Variants in PTPN12 observed in about 807,000 individuals in gnomAD.
The protein encoded by PTPN12 is tyrosine-protein phosphatase non-receptor type 12.
A neutral mutation model predicts 97.6 loss-of-function variants in PTPN12; 29 were observed. The ratio of observed to expected loss-of-function variants is 0.30; its 90% confidence interval spans 0.22 to 0.41. The LOEUF (loss-of-function observed/expected upper bound fraction) is 0.41, where lower values mean the gene tolerates loss of function less well. Among genes scored for constraint, PTPN12 ranks in the 10% least tolerant of loss-of-function variants. The pLI is 1.00. For synonymous variants in PTPN12, 327 were observed against 300.4 expected, an observed-to-expected ratio of 1.09 and a Z score of -0.91; for missense variants, 819 against 926.0, an observed-to-expected ratio of 0.88 and a Z score of 1.50.
Position 77,585,528 on chromosome 7 carries a change from A to G in PTPN12, c.382-15A>G, listed in dbSNP as rs909525324. 1.1e-5 allele frequency: 17 copies of G among 1,602,204 alleles called. No homozygotes were observed. Among genetic ancestry groups the G allele is most frequent in the Non-Finnish European group, 1.4e-5 (16 of 1,170,404 alleles). ...TGATACGTTCTTTATCTCACTCCCC[A>G]CCATCACTTTTTAGATCATTGTAAT... is the stretch of plus-strand genomic sequence containing the variant. On this transcript the variant is annotated splice_polypyrimidine_tract_variant and intron_variant, in intron 4 of 17. Coordinates refer to ENST00000248594, the MANE Select transcript of PTPN12 (RefSeq NM_002835.4).
intron 11 of PTPN12, 80 bp from the exon 12 acceptor site, chr7:77,618,400 A>T: frequency 2.1e-6 from 2 of 943,600 alleles, no homozygotes; most frequent in Non-Finnish European, 3.2e-6. Context: ...ATTGAAAAGC[A>T]CAGAAACAAT....
chr7:77,592,198 G>T lies in PTPN12; in HGVS notation c.434G>T (p.Arg145Leu). 6.3e-7 allele frequency: 1 copy of T among 1,599,620 alleles called. No individual in the cohort carries two copies. Among genetic ancestry groups the T allele is most frequent in the Non-Finnish European group, 8.5e-7 (1 of 1,176,174 alleles). Residue 145 changes from arginine (R) to leucine (L), a missense_variant, in exon 6 of 18, where the codon CGC (arginine) becomes CTC (leucine). Coordinates refer to ENST00000248594, the MANE Select transcript of PTPN12 (RefSeq NM_002835.4). ...EFEMGRKKCE[R>L]YWPLYGEDPI... is the part of the protein sequence containing the mutation. The stretch of plus-strand genomic sequence containing the variant: ...TTTGGATGACAGAAAAAATGTGAGC[G>T]CTATTGGCCTTTGTATGGAGAAGAC...
intron 2 of PTPN12, among the ~76,000 whole-genome samples, chr7:77,575,921 G>A (rs896245420): frequency 6.6e-6 from 1 of 151,882 alleles, no homozygotes; most frequent in Non-Finnish European, 1.5e-5. Flanking sequence ...GCATGATCTC[G>A]GCTCACTGCG....
At chr7:77,595,142 C>T (rs967919325) in intron 6 of PTPN12, among the ~76,000 whole-genome samples, 9 of 152,190 alleles carry the variant, frequency 5.9e-5, no homozygotes, top group Non-Finnish European at 1.2e-4. Context: ...TGATTAGTAA[C>T]GACTTGGTTT....
At chr7:77,609,406 G>A (rs977008700) in intron 9 of PTPN12, among the ~76,000 whole-genome samples, 1 of 150,848 alleles carries the variant, frequency 6.6e-6, no homozygotes, top group East Asian at 2.1e-4. Context: ...CGAGTAGCTG[G>A]GATTACATGC....
At chr7:77,607,074 C>T in intron 8 of PTPN12, 161 bp from the exon 9 acceptor site, 1 of 547,314 alleles carries the variant, frequency 1.8e-6, no homozygotes, top group Non-Finnish European at 3.2e-6. Flanking sequence ...ACAGATGTTG[C>T]CATGAACACA....
chr7:77,541,049 A>G (rs1806948484), intron 1 of PTPN12, among the ~76,000 whole-genome samples: 1 of 152,156 alleles, frequency 6.6e-6, no homozygotes, highest in East Asian at 1.9e-4. Context: ...CTGTCATTTA[A>G]AGGCTACCTC....
rs1432677438 is a variant in PTPN12, at chr7:77,625,468, GCTCGCTCTCTCT to G, written c.1026-1233_1026-1222del. 4.4e-4 allele frequency among the ~76,000 whole-genome samples: 11 copies of G among 24,758 alleles called. 1 individual carries two copies. Among genetic ancestry groups the G allele is most frequent in the Middle Eastern group, 0.059 (2 of 34 alleles). The allele number at this position is 24,758 out of a possible 152,430, so 16.2% of individuals were successfully genotyped here. A position where few individuals can be genotyped will look rare whatever the true frequency, so the allele number is the denominator to read the frequency against. On this transcript the variant is annotated intron_variant, in intron 12 of 17. Transcript: ENST00000248594. The stretch of plus-strand genomic sequence containing the variant: ...AGGGTTTTGCCATATTGCCCAGGCT[GCTCGCTCTCTCT>G]CTCTCTCTCTCTCTCTCTCTCTCTC...
chr7:77,546,906 G>A (rs750779088), intron 1 of PTPN12, among the ~76,000 whole-genome samples: 3 of 152,184 alleles, frequency 2.0e-5, no homozygotes, highest in Non-Finnish European at 1.5e-5. Flanking sequence ...CAGGAGAATA[G>A]CATGGGGGAT....
chr7:77,542,113 A>G (rs1014252143), intron 1 of PTPN12, among the ~76,000 whole-genome samples: 1 of 152,182 alleles, frequency 6.6e-6, no homozygotes, highest in Admixed American at 6.5e-5. Context: ...TGATAAAGGT[A>G]ATGCTGGGAA....
At chr7:77,617,053 G>C (rs556799024) in intron 11 of PTPN12, among the ~76,000 whole-genome samples, 190 of 152,278 alleles carry the variant, frequency 1.2e-3, no homozygotes, top group Non-Finnish European at 2.0e-3. Flanking sequence ...AAAGTTCTGG[G>C]ATTACAGGTG....
At chr7:77,633,210 C>T (rs2151405552) in intron 14 of PTPN12, among the ~76,000 whole-genome samples, 1 of 151,456 alleles carries the variant, frequency 6.6e-6, no homozygotes, top group East Asian at 1.9e-4. Flanking sequence ...GTGGATATTG[C>T]AGTGAGCCGA....
At chr7:77,607,464 G>A in intron 9 of PTPN12, 163 bp downstream of exon 9, 1 of 525,506 alleles carries the variant, frequency 1.9e-6, no homozygotes, top group South Asian at 2.4e-5. Flanking sequence ...CGGGCACAGT[G>A]GCTTACGCCT....
At chr7:77,621,379 A>G (rs1357471990) in intron 12 of PTPN12, among the ~76,000 whole-genome samples, 1 of 151,890 alleles carries the variant, frequency 6.6e-6, no homozygotes, top group Non-Finnish European at 1.5e-5. Flanking sequence ...CTCAAAATTA[A>G]CAACAAAAAG....
Position 77,537,490 on chromosome 7 carries a change from TGCCGGGCG to T in PTPN12, c.-55_-48del. The T allele has an allele frequency of 9.8e-7, 1 of 1,016,988 alleles. No homozygotes were observed. Among genetic ancestry groups the T allele is most frequent in the Non-Finnish European group, 1.3e-6 (1 of 778,310 alleles). 63.0% of individuals were successfully genotyped at this position (1,016,988 alleles called of 1,614,324 possible). ...GCTGGGGAAGACGGAGCGGGCTCTG[TGCCGGGCG>T]GGCGGGCGGCGGGGGGGCCAGCGAC... On this transcript the variant is annotated 5_prime_UTR_variant, in exon 1 of 18. Coordinates refer to ENST00000248594, the MANE Select transcript of PTPN12 (RefSeq NM_002835.4).
At chr7:77,599,901 G>A (rs1452564174) in intron 7 of PTPN12, among the ~76,000 whole-genome samples, 2 of 152,136 alleles carry the variant, frequency 1.3e-5, no homozygotes, top group African/African-American at 4.8e-5. Context: ...CAAAGTTATT[G>A]AGGATCCCAA....
chr7:77,566,543 G>A lies in PTPN12; in HGVS notation c.100-4535G>A, dbSNP rs1414990403. On this transcript the variant is annotated intron_variant, in intron 1 of 17. Transcript: ENST00000248594. ...TCGAGACCAGCCTGGACAACGTGGC[G>A]AAACCCCATCTCTACAAAAAATACA... Among the ~76,000 whole-genome samples the A allele has an allele frequency of 3.9e-5, 6 of 152,084 alleles. No homozygotes were observed. In the East Asian group the frequency reaches 5.8e-4, roughly 15 times the overall value.
intron 1 of PTPN12, among the ~76,000 whole-genome samples, chr7:77,558,993 A>G (rs948600910): frequency 6.6e-6 from 1 of 151,836 alleles, no homozygotes; most frequent in African/African-American, 2.4e-5. Flanking sequence ...CAGCATGGGT[A>G]GCAGAACAAG....
chr7:77,623,310 G>A (rs1789012515), intron 12 of PTPN12, among the ~76,000 whole-genome samples: 1 of 152,122 alleles, frequency 6.6e-6, no homozygotes, highest in Admixed American at 6.5e-5. Flanking sequence ...GTCAAGCACT[G>A]TTCTAATTGT....
Sources: allele counts gnomAD v4.1 joint callset (sites outside exome capture counted in the v4.1 genomes callset), GRCh38; gene constraint gnomAD v4.1.1; transcripts MANE v1.5; gene names NCBI Gene and HGNC (gene_info 2026-07-23, HGNC 2026-07-21).